Variants in ICAM5 observed in about 807,000 individuals in gnomAD.
ICAM5 encodes the protein ICAM-5.
A neutral mutation model predicts 78.8 loss-of-function variants in ICAM5; 38 were observed. The observed-to-expected ratio is 0.48, with a 90% CI of 0.37 to 0.63. The LOEUF is 0.63. Among genes scored for constraint, ICAM5 ranks in the 30% least tolerant of loss-of-function variants. ICAM5 has a pLI of 0.00. For missense variants in ICAM5, 1,059 were observed against 1,303.0 expected, an observed-to-expected ratio of 0.81 and a Z score of 2.88; for synonymous variants, 544 against 590.9, an observed-to-expected ratio of 0.92 and a Z score of 1.15.
chr19:10,294,636 G>C lies in ICAM5; in HGVS notation c.2226G>C (p.Val742=). ...GTDSRTVTVG[V]EYRPVVAELA... ...ACTCCCGGACCGTCACTGTGGGCGT[G>C]GAATGTGAGTGGGGGCAGCACCGGA... The change falls in exon 9 of 11, where the codon GTG becomes GTC. Residue 742 remains valine (V), a synonymous_variant. Transcript: ENST00000221980. This position sits in a 1 kb window ranked among gnomAD's most constrained non-coding sequence, Gnocchi z 7.7. 6.2e-7 allele frequency: 1 copy of C among 1,612,674 alleles called. No homozygotes were observed. Among genetic ancestry groups the C allele is most frequent in the Non-Finnish European group, 8.5e-7 (1 of 1,179,842 alleles).
chr19:10,294,792 G>T lies in ICAM5; in HGVS notation c.2230+152G>T. The T allele has an allele frequency of 1.7e-6, 2 of 1,211,218 alleles. No individual in the cohort carries two copies. Among genetic ancestry groups the T allele is most frequent in the East Asian group, 2.5e-5 (1 of 39,570 alleles). 75.0% of individuals were successfully genotyped at this position (1,211,218 alleles called of 1,614,324 possible). On this transcript the variant is annotated intron_variant, in intron 9 of 10. Transcript: ENST00000221980. This position sits in a 1 kb window ranked among gnomAD's most constrained non-coding sequence, Gnocchi z 7.7. ...GGGGTAATGAAAATTCTAGCCAGGC[G>T]CAGTGGCTCAGGTCTGTAATCCCAA...
At position 10,294,761 on chromosome 19, in the gene ICAM5, A is replaced by C. The variant is rs955810841; in HGVS notation, c.2230+121A>C. 2.1e-6 allele frequency: 3 copies of C among 1,458,422 alleles called. No individual in the cohort carries two copies. The highest frequency in any genetic ancestry group is 2.8e-6 in the Non-Finnish European group (3 of 1,076,952). 90.3% of individuals were successfully genotyped at this position (1,458,422 alleles called of 1,614,324 possible). A position where few individuals can be genotyped will look rare whatever the true frequency, so the allele number is the denominator to read the frequency against. On this transcript the variant is annotated intron_variant, in intron 9 of 10. Coordinates refer to ENST00000221980, the MANE Select transcript of ICAM5 (RefSeq NM_003259.4). The surrounding 1 kb of genome is among the most constrained non-coding windows in gnomAD (Gnocchi z 7.7). ...CTCGGGGACAGGGAATTCCAGCCTA[A>C]ACCAGGGGGTAATGAAAATTCTAGC...
In ICAM5 at chr19:10,295,353, A is replaced by G; in HGVS notation, c.2238A>G (p.Pro746=). Residue 746 remains proline, a synonymous_variant, in exon 10 of 11, where the codon CCA becomes CCG. Transcript: ENST00000221980. The part of the protein sequence containing the change: ...RTVTVGVEYR[P]VVAELAASPP... ...ACCTTCTGTGCCCTTCAGACCGGCC[A>G]GTGGTGGCCGAACTTGCTGCCTCGC... 6.4e-7 allele frequency: 1 copy of G among 1,559,766 alleles called. No individual in the cohort carries two copies. The highest frequency in any genetic ancestry group is 1.9e-5 in the Admixed American group (1 of 53,058).
chr19:10,293,385 G>A lies in ICAM5; in HGVS notation c.1465+139G>A. 8.2e-7 allele frequency: 1 copy of A among 1,215,352 alleles called. No homozygotes were observed. Among genetic ancestry groups the A allele is most frequent in the Admixed American group, 2.9e-5 (1 of 35,046 alleles). 75.3% of individuals were successfully genotyped at this position (1,215,352 alleles called of 1,614,324 possible). A position where few individuals can be genotyped will look rare whatever the true frequency, so the allele number is the denominator to read the frequency against. ...GAAAGGGAAGAGGCTGGTTAGTGGGGTTGGAGAAAGATCTTGGAGGATGGA... is the reference window on the plus strand; with the variant it reads ...GAAAGGGAAGAGGCTGGTTAGTGGGATTGGAGAAAGATCTTGGAGGATGGA... On this transcript the variant is annotated intron_variant, in intron 6 of 10. Coordinates refer to ENST00000221980, the MANE Select transcript of ICAM5 (RefSeq NM_003259.4). The surrounding 1 kb of genome is among the most constrained non-coding windows in gnomAD (Gnocchi z 5.0).
chr19:10,292,043 C>G lies in ICAM5; in HGVS notation c.682C>G (p.Pro228Ala). Residue 228 changes from proline (P) to alanine (A), a missense_variant, in exon 4 of 11, where the codon CCG becomes GCG. By Grantham distance (27) the Pro-to-Ala change is conservative. Coordinates refer to ENST00000221980, the MANE Select transcript of ICAM5 (RefSeq NM_003259.4). ...PRELRTFSLS[P>A]DAPRLAAPRL... ...GGTTCTTCGACCCCTAGCCCTGTCT[C>G]CGGATGCCCCGCGCCTCGCTGCTCC... 1 of 1,611,814 alleles carries G rather than the reference C, an allele frequency of 6.2e-7. No homozygotes were observed. Among genetic ancestry groups the G allele is most frequent in the East Asian group, 2.2e-5 (1 of 44,822 alleles).
At chr19:10,291,427 A>T in intron 2 of ICAM5, 62 bp from the exon 3 acceptor site, 1 of 1,608,070 alleles carries the variant, frequency 6.2e-7, no homozygotes, top group Non-Finnish European at 8.5e-7. Flanking sequence ...CCTCCCCTTC[A>T]GGCCCCACCT....
At position 10,291,304 on chromosome 19, in the gene ICAM5, G is replaced by A; in HGVS notation, c.315G>A (p.Arg105=). 6.2e-7 allele frequency: 1 copy of A among 1,612,388 alleles called. No individual in the cohort carries two copies. Among genetic ancestry groups the A allele is most frequent in the East Asian group, 2.2e-5 (1 of 44,864 alleles). Residue 105 remains arginine, a synonymous_variant, in exon 2 of 11, where the codon CGG becomes CGA. Coordinates refer to ENST00000221980, the MANE Select transcript of ICAM5 (RefSeq NM_003259.4). ...CCGTCTGCTTCTTCCGCTGCGCGCG[G>A]CGCACACTACAGGCGCGTGGGCTCA... is the stretch of plus-strand genomic sequence containing the variant. ...TQPVCFFRCA[R]RTLQARGLIR...
chr19:10,292,946 G>T, intron 5 of ICAM5, 52 bp from the exon 6 acceptor site: 2 of 1,608,368 alleles, frequency 1.2e-6, no homozygotes, highest in Non-Finnish European at 1.7e-6. Context: ...TGTCGTGGAG[G>T]CGGAGCCATT....
chr19:10,291,884 C>CT, intron 3 of ICAM5, 75 bp downstream of exon 3: 1 of 1,520,264 alleles, frequency 6.6e-7, no homozygotes, highest in South Asian at 1.2e-5. Flanking sequence ...GTAGATACAT[C>CT]TGAATGCTGA....
Position 10,296,407 on chromosome 19 carries a change from C to A in ICAM5, c.2566C>A (p.Leu856Met). 2 of 1,286,618 alleles carry A rather than the reference C, an allele frequency of 1.6e-6. No individual in the cohort carries two copies. The highest frequency in any genetic ancestry group is 2.6e-5 in the South Asian group (1 of 38,746). The allele number at this position is 1,286,618 out of a possible 1,614,324, so 79.7% of individuals were successfully genotyped here. The stretch of plus-strand genomic sequence containing the variant: ...GGCGCTGCTGGCCGCGGGGGCCGGC[C>A]TGGCCTTCTACGTGCAGTCCACCGC... ...GAALLAAGAG[L>M]AFYVQSTACK... The change falls in exon 11 of 11, where the codon CTG becomes ATG. Residue 856 changes from leucine to methionine, a missense_variant. By Grantham distance (15) the Leu-to-Met change is conservative. Around this residue, in one of 3 missense-constraint regions of ICAM5, gnomAD observed 109 missense variants for 120.0 expected, o/e 0.91. Coordinates refer to ENST00000221980, the MANE Select transcript of ICAM5 (RefSeq NM_003259.4).
rs140395213 is a variant in ICAM5, at chr19:10,293,192, A to C, written c.1411A>C (p.Lys471Gln). Residue 471 changes from lysine (K) to glutamine (Q), a missense_variant, in exon 6 of 11, where the codon AAG becomes CAG. Physicochemically the swap from Lys to Gln is moderately conservative, Grantham distance 53. Transcript: ENST00000221980. The surrounding 1 kb of genome is among the most constrained non-coding windows in gnomAD (Gnocchi z 5.0). The part of the protein sequence containing the change: ...TRALSGTYRC[K>Q]AANDQGEAVK... Reference sequence around the variant, plus strand: ...GGCGCTCTCAGGCACTTACCGCTGCAAGGCGGCCAATGATCAAGGCGAGGC... The same window carrying C: ...GGCGCTCTCAGGCACTTACCGCTGCCAGGCGGCCAATGATCAAGGCGAGGC... 2.5e-6 allele frequency: 4 copies of C among 1,609,146 alleles called. No homozygotes were observed. The African/African-American group carries it at 5.3e-5, about 22-fold the overall frequency.
At chr19:10,292,404 CAG>C in intron 4 of ICAM5, 82 bp downstream of exon 4, 1 of 1,467,458 alleles carries the variant, frequency 6.8e-7, no homozygotes, top group Non-Finnish European at 9.2e-7. Context: ...GGCGGGACCT[CAG>C]TACCGGAACA....
In ICAM5 at chr19:10,294,572, G is replaced by A. The variant is rs1467114012; in HGVS notation, c.2162G>A (p.Gly721Asp). 6.2e-7 allele frequency: 1 copy of A among 1,612,858 alleles called. No individual in the cohort carries two copies. The highest frequency in any genetic ancestry group is 1.3e-5 in the African/African-American group (1 of 75,062). ...CAGCGCGTGTCCCGAGAGGACGCGG[G>A]CACTTACCACTGTGTGGCCACCAAT... Reference protein sequence around the residue: ...EQQRVSREDAGTYHCVATNAH... With the variant: ...EQQRVSREDADTYHCVATNAH... The change falls in exon 9 of 11, where the codon GGC (glycine) becomes GAC (aspartate). Residue 721 changes from glycine (G) to aspartate (D), a missense_variant. Gly to Asp is a moderately conservative substitution (Grantham distance 94, BLOSUM62 -1). This residue lies in a region of ICAM5 where 135 missense variants were observed against 230.2 expected (regional missense o/e 0.59). Coordinates refer to ENST00000221980, the MANE Select transcript of ICAM5 (RefSeq NM_003259.4). The surrounding 1 kb of genome is among the most constrained non-coding windows in gnomAD (Gnocchi z 7.7).
chr19:10,292,548 G>GGGC, intron 4 of ICAM5, 64 bp from the exon 5 acceptor site: 2 of 1,514,216 alleles, frequency 1.3e-6, no homozygotes, highest in East Asian at 4.5e-5. Context: ...GGCAGATAAG[G>GGGC]GGCGGGCCTT....
chr19:10,291,787 C>T lies in ICAM5; in HGVS notation c.651C>T (p.Ala217=). ...TGGGACTGTTTGAAAACAGCTCGGC[C>T]CCCAGAGAGCTCCGAACCTTCTGTG... ...HGLGLFENSS[A]PRELRTFSLS... The change falls in exon 3 of 11, where the codon GCC becomes GCT. Residue 217 remains alanine (A), a synonymous_variant. Coordinates refer to ENST00000221980, the MANE Select transcript of ICAM5 (RefSeq NM_003259.4). 6.2e-7 allele frequency: 1 copy of T among 1,610,892 alleles called. No homozygotes were observed. Among genetic ancestry groups the T allele is most frequent in the South Asian group, 1.1e-5 (1 of 90,934 alleles).
Position 10,292,813 on chromosome 19 carries a change from A to G in ICAM5, c.1163A>G (p.Asp388Gly). ...RRSFFCDATL[D>G]VDGETLIKNR... ...AGCTTCTTCTGCGACGCCACCCTCGATGTGGACGGGGAGACCCTGATCAAG... is the reference window on the plus strand; with the variant it reads ...AGCTTCTTCTGCGACGCCACCCTCGGTGTGGACGGGGAGACCCTGATCAAG... The change falls in exon 5 of 11, where the codon GAT becomes GGT. Residue 388 changes from aspartate (D) to glycine (G), a missense_variant. Asp to Gly is a moderately conservative substitution (Grantham distance 94). Transcript: ENST00000221980. 1 of 1,612,936 alleles carries G rather than the reference A, an allele frequency of 6.2e-7. No individual in the cohort carries two copies. Among genetic ancestry groups the G allele is most frequent in the Non-Finnish European group, 8.5e-7 (1 of 1,179,912 alleles).
Position 10,294,427 on chromosome 19 carries a change from T to G in ICAM5, c.2017T>G (p.Cys673Gly). Residue 673 changes from cysteine (C) to glycine (G), a missense_variant, in exon 9 of 11, where the codon TGC becomes GGC. By Grantham distance (159) the Cys-to-Gly change is radical. Around this residue, in one of 3 missense-constraint regions of ICAM5, gnomAD observed 815 missense variants for 952.8 expected, o/e 0.86. Coordinates refer to ENST00000221980, the MANE Select transcript of ICAM5 (RefSeq NM_003259.4). This position sits in a 1 kb window ranked among gnomAD's most constrained non-coding sequence, Gnocchi z 7.7. ...ESPPEMDEST[C>G]PSHQTWLEGA... ...GCCACCGGAGATGGATGAATCTACC[T>G]GCCCAAGTCACCAGACGTGGCTGGA... The G allele has an allele frequency of 6.2e-7, 1 of 1,611,778 alleles. No individual in the cohort carries two copies. Among genetic ancestry groups the G allele is most frequent in the Non-Finnish European group, 8.5e-7 (1 of 1,179,344 alleles).
In ICAM5 at chr19:10,294,093, G is replaced by C; in HGVS notation, c.1765G>C (p.Gly589Arg). 6.3e-7 allele frequency: 1 copy of C among 1,591,986 alleles called. No individual in the cohort carries two copies. Among genetic ancestry groups the C allele is most frequent in the Non-Finnish European group, 8.6e-7 (1 of 1,169,394 alleles). Residue 589 changes from glycine (G) to arginine (R), a missense_variant, in exon 8 of 11, where the codon GGA (glycine) becomes CGA (arginine). Physicochemically the swap from Gly to Arg is moderately radical, Grantham distance 125. This residue lies in a region of ICAM5 where 815 missense variants were observed against 952.8 expected (regional missense o/e 0.86). Transcript: ENST00000221980. The surrounding 1 kb of genome is among the most constrained non-coding windows in gnomAD (Gnocchi z 7.7). ...SCPSNWTWVE[G>R]SGRLFSCEVD... ...CCCCAGCAATTGGACATGGGTGGAA[G>C]GATCTGGGCGCCTGTTTTCCTGTGA...
Position 10,294,786 on chromosome 19 carries a change from C to A in ICAM5, c.2230+146C>A. On this transcript the variant is annotated intron_variant, in intron 9 of 10. Transcript: ENST00000221980. The surrounding 1 kb of genome is among the most constrained non-coding windows in gnomAD (Gnocchi z 7.7). ...AACCAGGGGGTAATGAAAATTCTAG[C>A]CAGGCGCAGTGGCTCAGGTCTGTAA... The A allele has an allele frequency of 7.8e-7, 1 of 1,286,186 alleles. No homozygotes were observed. Among genetic ancestry groups the A allele is most frequent in the Non-Finnish European group, 1.1e-6 (1 of 941,882 alleles). 79.7% of individuals were successfully genotyped at this position (1,286,186 alleles called of 1,614,324 possible).
Sources: allele counts gnomAD v4.1 joint callset, GRCh38; gene constraint gnomAD v4.1.1; regional missense constraint gnomAD v4.1.1; non-coding constraint Gnocchi (gnomAD v3.1); transcripts MANE v1.5; gene names NCBI Gene and HGNC (gene_info 2026-07-23, HGNC 2026-07-21).